DMD: variants seen among roughly 807,000 people sequenced by gnomAD.
DMD encodes the protein mutant dystrophin.
In DMD, 63 loss-of-function variants were observed where a neutral mutation model predicts 330.1. The observed-to-expected ratio is 0.19, with a 90% CI of 0.16 to 0.24. The LOEUF (loss-of-function observed/expected upper bound fraction) is 0.24. DMD is among the 10% of genes least tolerant of loss of function. The pLI, the probability that DMD is intolerant of heterozygous loss-of-function variation, is 1.00. For missense variants in DMD, 3,344 were observed against 2,684.1 expected (o/e 1.25, Z -5.43); for synonymous variants, 1,223 against 959.8 (o/e 1.27, Z -5.07).
intron 37 of DMD, 133 bp from the exon 38 acceptor site, chrX:32,348,661 G>A: frequency 1.7e-6 from 1 of 599,372 alleles, no homozygotes; most frequent in Non-Finnish European, 2.5e-6. Flanking sequence ...TATGTTTTAT[G>A]AAGGGTTTTG....
intron 7 of DMD, among the ~76,000 whole-genome samples, chrX:32,802,144 T>C (rs754057242): frequency 1.8e-5 from 2 of 111,814 alleles, no homozygotes; most frequent in Non-Finnish European, 3.8e-5. Flanking sequence ...TCCATAAGCA[T>C]GGAATGTTTT....
At chrX:32,749,680 G>A (rs567163287) in intron 7 of DMD, among the ~76,000 whole-genome samples, 1 of 112,553 alleles carries the variant, frequency 8.9e-6, no homozygotes, top group African/African-American at 3.2e-5. Context: ...CTAAAGCCAA[G>A]ATTTGCTGAA....
intron 42 of DMD, among the ~76,000 whole-genome samples, chrX:32,297,092 C>T (rs2148509524): frequency 9.0e-6 from 1 of 110,739 alleles, no homozygotes; most frequent in South Asian, 3.8e-4. Context: ...GCACAGTTTT[C>T]ATCATACAGA....
At chrX:32,541,034 G>T (rs1045515746) in intron 17 of DMD, among the ~76,000 whole-genome samples, 1 of 111,249 alleles carries the variant, frequency 9.0e-6, no homozygotes, top group Non-Finnish European at 1.9e-5. Context: ...TTGGCAATTC[G>T]AATGAACATG....
intron 54 of DMD, among the ~76,000 whole-genome samples, chrX:31,639,245 A>C (rs1038725334): frequency 2.4e-4 from 27 of 111,798 alleles, no homozygotes; most frequent in Non-Finnish European, 2.3e-4. Flanking sequence ...GAAGAGTGTT[A>C]CTATAATAGC....
intron 13 of DMD, among the ~76,000 whole-genome samples, chrX:32,585,212 G>A (rs1422655417): frequency 9.0e-6 from 1 of 111,065 alleles, no homozygotes. Context: ...ATGAAGAGAG[G>A]TTGTTTAATG....
intron 2 of DMD, among the ~76,000 whole-genome samples, chrX:32,945,460 A>G (rs1343346558): frequency 9.0e-6 from 1 of 111,315 alleles, no homozygotes; most frequent in East Asian, 2.8e-4. Context: ...ATTAATATGA[A>G]TAATTTGACT....
chrX:31,713,240 C>T (rs1321601101), intron 52 of DMD, among the ~76,000 whole-genome samples: 3 of 107,449 alleles, frequency 2.8e-5, no homozygotes, highest in Non-Finnish European at 3.8e-5. Flanking sequence ...AGCCTCTGAT[C>T]TACTTCTTCT....
At chrX:33,285,794 T>C (rs182469202) in intron 1 of DMD, among the ~76,000 whole-genome samples, 6 of 112,385 alleles carry the variant, frequency 5.3e-5, no homozygotes, top group Non-Finnish European at 1.1e-4. Context: ...TCATTCTTAG[T>C]AGCATACCAC....
At chrX:31,530,573 C>G (rs182401175) in intron 55 of DMD, among the ~76,000 whole-genome samples, 1 of 101,683 alleles carries the variant, frequency 9.8e-6, no homozygotes, top group African/African-American at 3.6e-5. Context: ...CAGAGAACAT[C>G]AAAGAAGGCT....
chrX:31,778,403 T>A (rs760373351), intron 50 of DMD, among the ~76,000 whole-genome samples: 9 of 111,257 alleles, frequency 8.1e-5, no homozygotes, highest in African/African-American at 1.6e-4. Flanking sequence ...AAGAGGCTAA[T>A]CTTCATCGAC....
chrX:32,102,239 A>G (rs2096543483), intron 44 of DMD: 1 of 111,838 alleles, frequency 8.9e-6, no homozygotes, highest in African/African-American at 3.2e-5. Context: ...TTTGTAAATT[A>G]CCCATTTTCA....
At chrX:32,251,435 C>G (rs764229493) in intron 43 of DMD, among the ~76,000 whole-genome samples, 1 of 111,309 alleles carries the variant, frequency 9.0e-6, no homozygotes, top group African/African-American at 3.3e-5. Flanking sequence ...TTTCTGTTCT[C>G]CAGCTCAATA....
intron 47 of DMD, among the ~76,000 whole-genome samples, chrX:31,882,165 A>C (rs2094081498): frequency 8.9e-6 from 1 of 112,345 alleles, no homozygotes. Flanking sequence ...ACTTTGAAGA[A>C]CGACGAAGTT....
At chrX:31,387,318 T>C (rs998762056) in intron 60 of DMD, among the ~76,000 whole-genome samples, 3 of 112,235 alleles carry the variant, frequency 2.7e-5, no homozygotes, top group Non-Finnish European at 5.6e-5. Context: ...TAAATAGCTG[T>C]GTCATCTTGG....
intron 41 of DMD, among the ~76,000 whole-genome samples, chrX:32,331,040 T>C (rs2082501807): frequency 8.9e-6 from 1 of 111,965 alleles, no homozygotes; most frequent in Non-Finnish European, 1.9e-5. Context: ...CCCCTAATTT[T>C]ATAGGATCTT....
intron 44 of DMD, among the ~76,000 whole-genome samples, chrX:32,130,788 T>C (rs2096688791): frequency 8.9e-6 from 1 of 112,409 alleles, no homozygotes; most frequent in Admixed American, 9.4e-5. Context: ...AAAGTCCTTC[T>C]CTGGCTTCTC....
At chrX:33,176,043 G>C (rs928314581) in intron 1 of DMD, among the ~76,000 whole-genome samples, 1 of 111,087 alleles carries the variant, frequency 9.0e-6, no homozygotes, top group Non-Finnish European at 1.9e-5. Flanking sequence ...TGGCTGAACC[G>C]GCATGAGCTA....
chrX:32,883,823 C>CCAAAAAAAAAAAAAAAAAAAAAAAAAAA (rs1169678184), intron 2 of DMD, among the ~76,000 whole-genome samples: 1 of 30,352 alleles, frequency 3.3e-5, no homozygotes, highest in African/African-American at 1.4e-4. Context: ...GACTCTGTTT[C>CCAAAAAAAAAAAAAAAAAAAAAAAAAAA]AAAAAAAAAA....
Sources: allele counts gnomAD v4.1 joint callset (sites outside exome capture counted in the v4.1 genomes callset), GRCh38; gene constraint gnomAD v4.1.1; transcripts MANE v1.5; gene names NCBI Gene and HGNC (gene_info 2026-07-23, HGNC 2026-07-21).